STARD13: variants seen among roughly 807,000 people sequenced by gnomAD.
The protein encoded by STARD13 is stAR-related lipid transfer protein 13.
A neutral mutation model predicts 106.4 loss-of-function variants in STARD13; 62 were observed. The ratio of observed to expected loss-of-function variants is 0.58; its 90% confidence interval spans 0.48 to 0.72. STARD13 has a LOEUF of 0.72. Ranked by LOEUF, STARD13 falls within the 30% of genes least tolerant of loss-of-function variation. The pLI, the probability that STARD13 is intolerant of heterozygous loss-of-function variation, is 0.00. For synonymous variants in STARD13, 565 were observed against 553.0 expected (o/e 1.02, Z -0.31); for missense variants, 1,387 against 1,424.0 (o/e 0.97, Z 0.42).
chr13:33,181,848 T>A (rs1223925034), intron 1 of STARD13, among the ~76,000 whole-genome samples: 3 of 152,210 alleles, frequency 2.0e-5, no homozygotes, highest in Non-Finnish European at 4.4e-5. Flanking sequence ...ATGGAATCTT[T>A]AGGAGTTCCA....
chr13:33,577,008 C>T, the STARD13 span, among the ~76,000 whole-genome samples: 1 of 152,154 alleles, frequency 6.6e-6, no homozygotes, highest in Non-Finnish European at 1.5e-5. Flanking sequence ...TCAATAAACA[C>T]AAGACCTAGC....
the STARD13 span, among the ~76,000 whole-genome samples, chr13:33,576,298 C>G: frequency 6.6e-6 from 1 of 152,228 alleles, no homozygotes; most frequent in Non-Finnish European, 1.5e-5. Context: ...TCATAACTCA[C>G]TGCAGCCTTG....
At chr13:33,426,973 A>C in the STARD13 span, among the ~76,000 whole-genome samples, 1 of 152,202 alleles carries the variant, frequency 6.6e-6, no homozygotes, top group Non-Finnish European at 1.5e-5. Context: ...ATCATGCATG[A>C]TTTGGGTACT....
intron 3 of STARD13, among the ~76,000 whole-genome samples, chr13:33,160,344 T>A (rs1882474435): frequency 6.6e-6 from 1 of 152,190 alleles, no homozygotes; most frequent in Non-Finnish European, 1.5e-5. Flanking sequence ...CTATGAAACT[T>A]CCAGAAGAAA....
At chr13:33,640,733 T>C in the STARD13 span, among the ~76,000 whole-genome samples, 1 of 152,156 alleles carries the variant, frequency 6.6e-6, no homozygotes, top group Non-Finnish European at 1.5e-5. Flanking sequence ...AGTGAGTACA[T>C]GAGAATCTCC....
chr13:33,626,112 G>A, the STARD13 span, among the ~76,000 whole-genome samples: 1 of 152,058 alleles, frequency 6.6e-6, no homozygotes, highest in East Asian at 1.9e-4. Context: ...TCTATAGATA[G>A]ACCATAGCTA....
the STARD13 span, among the ~76,000 whole-genome samples, chr13:33,539,105 A>G: frequency 1.3e-5 from 2 of 152,240 alleles, no homozygotes; most frequent in South Asian, 2.1e-4. Flanking sequence ...GAATCTATGC[A>G]TAAGAAAATT....
chr13:33,633,018 T>C, the STARD13 span, among the ~76,000 whole-genome samples: 2 of 152,214 alleles, frequency 1.3e-5, no homozygotes, highest in Non-Finnish European at 2.9e-5. Flanking sequence ...TATTTTTTAT[T>C]TTGTTCAATG....
chr13:33,457,627 C>T, the STARD13 span, among the ~76,000 whole-genome samples: 6 of 152,282 alleles, frequency 3.9e-5, no homozygotes, highest in South Asian at 2.1e-4. Flanking sequence ...TCTCACAGTC[C>T]GGGAGGCTGG....
intron 1 of STARD13, among the ~76,000 whole-genome samples, chr13:33,282,611 T>C (rs1240877806): frequency 6.6e-6 from 1 of 152,178 alleles, no homozygotes; most frequent in African/African-American, 2.4e-5. Context: ...ATCTTAAAGC[T>C]CTAAAGTAGA....
chr13:33,167,466 C>G, intron 2 of STARD13, 85 bp downstream of exon 2: 1 of 1,408,166 alleles, frequency 7.1e-7, no homozygotes, highest in Non-Finnish European at 9.8e-7. Context: ...AAAAAAAAAT[C>G]TGGAAGTCAA....
chr13:33,537,563 C>T, the STARD13 span, among the ~76,000 whole-genome samples: 1 of 152,066 alleles, frequency 6.6e-6, no homozygotes, highest in Non-Finnish European at 1.5e-5. Context: ...CCTGATCATT[C>T]GATCTTTCTA....
the STARD13 span, among the ~76,000 whole-genome samples, chr13:33,532,683 T>G: frequency 6.6e-6 from 1 of 152,196 alleles, no homozygotes; most frequent in Non-Finnish European, 1.5e-5. Context: ...CAAAATTCCT[T>G]TCATGAAAAC....
the STARD13 span, among the ~76,000 whole-genome samples, chr13:33,594,573 A>G: frequency 1.3e-5 from 2 of 152,194 alleles, no homozygotes; most frequent in Non-Finnish European, 2.9e-5. Flanking sequence ...GTTCAGTGGC[A>G]TTAAGTTCAT....
the STARD13 span, among the ~76,000 whole-genome samples, chr13:33,491,560 A>G: frequency 6.6e-6 from 1 of 152,252 alleles, no homozygotes; most frequent in Non-Finnish European, 1.5e-5. Context: ...AAAAGAAAGT[A>G]CAAGAACTTA....
rs1873804176 is a variant in STARD13 at position 33,106,908 on chromosome 13, C to T, written c.3074G>A (p.Gly1025Glu). ...GGAGAGGGACACCAGGGTACACATTCCTTTGGGCAAATCAGTTTTCCAGGT... is the reference window on the plus strand; with the variant it reads ...GGAGAGGGACACCAGGGTACACATTTCTTTGGGCAAATCAGTTTTCCAGGT... ...LRTWKTDLPK[G>E]MCTLVSLSVE... Residue 1025 changes from glycine to glutamate, a missense_variant, in exon 13 of 14, where the codon GGA becomes GAA. Gly to Glu is a moderately conservative substitution (Grantham distance 98, BLOSUM62 -2). Coordinates refer to ENST00000336934, the MANE Select transcript of STARD13 (RefSeq NM_178006.4). The T allele has an allele frequency of 1.2e-6, 2 of 1,613,552 alleles. No individual in the cohort carries two copies. The highest frequency in any genetic ancestry group is 1.7e-6 in the Non-Finnish European group (2 of 1,179,706).
intron 12 of STARD13, among the ~76,000 whole-genome samples, chr13:33,107,203 G>A (rs978197614): frequency 6.6e-6 from 1 of 152,306 alleles, no homozygotes; most frequent in African/African-American, 2.4e-5. Flanking sequence ...GCTCTGCTTA[G>A]CTGCAGAGGC....
the STARD13 span, among the ~76,000 whole-genome samples, chr13:33,661,867 A>G: frequency 6.6e-6 from 1 of 151,666 alleles, no homozygotes; most frequent in Non-Finnish European, 1.5e-5. Context: ...AGGGCAAGGG[A>G]TAAGGAGGGG....
the STARD13 span, among the ~76,000 whole-genome samples, chr13:33,447,931 TA>T: frequency 6.6e-6 from 1 of 152,168 alleles, no homozygotes; most frequent in East Asian, 1.9e-4. Context: ...CTGATTGAGA[TA>T]ATAAGCACAA....
Sources: allele counts gnomAD v4.1 joint callset (sites outside exome capture counted in the v4.1 genomes callset), GRCh38; gene constraint gnomAD v4.1.1; transcripts MANE v1.5; gene names NCBI Gene and HGNC (gene_info 2026-07-23, HGNC 2026-07-21).